The following CWH43 variants were observed in gnomAD, a reference collection of about 807,000 sequenced individuals.
CWH43 encodes the protein cell wall biogenesis 43 C-terminal homolog, also known as PGAP2-interacting protein.
CWH43 carries 91 observed loss-of-function variants against 85.7 expected under a neutral mutation model. The ratio of observed to expected loss-of-function variants is 1.06; its 90% CI spans 0.90 to 1.26. The LOEUF is 1.26. Ranked by LOEUF, CWH43 falls within the 50% of genes most tolerant of loss-of-function variation. The pLI, the probability that CWH43 is intolerant of heterozygous loss-of-function variation, is 0.00. For missense variants in CWH43, 869 were observed against 839.2 expected (o/e 1.04, Z -0.44); for synonymous variants, 323 against 293.6 (o/e 1.10, Z -1.02).
intron 11 of CWH43, 129 bp from the exon 12 acceptor site, chr4:49,032,437 T>G: frequency 1.0e-6 from 1 of 978,042 alleles, no homozygotes; most frequent in Non-Finnish European, 1.6e-6. Flanking sequence ...CTCTGCCGCA[T>G]TGCTTTGAAT....
chr4:49,007,524 G>C (rs558360808), intron 8 of CWH43, among the ~76,000 whole-genome samples, 198 bp downstream of exon 8: 2 of 152,126 alleles, frequency 1.3e-5, no homozygotes, highest in South Asian at 4.2e-4. Context: ...TGTGCACAAC[G>C]TGCAGGTTTG....
chr4:49,058,104 G>A (rs1182331871), intron 15 of CWH43, among the ~76,000 whole-genome samples: 2 of 151,966 alleles, frequency 1.3e-5, no homozygotes, highest in Non-Finnish European at 2.9e-5. Flanking sequence ...AGTAATTACT[G>A]ATAGTTAAGG....
rs1448171959 is a variant in CWH43, at chr4:48,994,783, G to A, written c.676G>A (p.Gly226Arg). 1 of 1,613,850 alleles carries A rather than the reference G, an allele frequency of 6.2e-7. No homozygotes were observed. The highest frequency in any genetic ancestry group is 8.5e-7 in the Non-Finnish European group (1 of 1,180,040). The change falls in exon 5 of 16, where the codon GGG (glycine) becomes AGG (arginine). Residue 226 changes from glycine (G) to arginine (R), a missense_variant. Gly to Arg is a moderately radical substitution (Grantham distance 125). Coordinates refer to ENST00000226432, the MANE Select transcript of CWH43 (RefSeq NM_025087.3). The part of the protein sequence containing the change: ...VSLVSRWAVS[G>R]HPHPGPDPNP... ...TCTTGTTTCCAGATGGGCAGTGAGT[G>A]GGCATCCACATCCAGGGCCAGATCC... is the stretch of plus-strand genomic sequence containing the variant.
rs1356112669 is a variant in CWH43, at chr4:49,041,122, T to C, written c.1803+2942T>C. On this transcript the variant is annotated intron_variant, in intron 13 of 15. Transcript: ENST00000226432. ...ATCTATATCTCTGTTTTGGTACCAG[T>C]ACCATGCTGTTTTGGTTACTGTAGC... 2.0e-5 allele frequency among the ~76,000 whole-genome samples: 3 copies of C among 152,206 alleles called. No homozygotes were observed. In the South Asian group the frequency reaches 6.2e-4, roughly 32 times the overall value.
intron 15 of CWH43, among the ~76,000 whole-genome samples, chr4:49,051,978 C>T (rs1163235895): frequency 6.6e-6 from 1 of 152,192 alleles, no homozygotes; most frequent in African/African-American, 2.4e-5. Flanking sequence ...GAAACTTCTA[C>T]ATAAAGCCAA....
chr4:49,041,056 A>G (rs1784443376), intron 13 of CWH43, among the ~76,000 whole-genome samples: 1 of 152,060 alleles, frequency 6.6e-6, no homozygotes, highest in Non-Finnish European at 1.5e-5. Context: ...ATAGTTGTAA[A>G]TATGTGGCAT....
chr4:49,039,332 T>G (rs1340574837), intron 13 of CWH43, among the ~76,000 whole-genome samples: 1 of 48,484 alleles, frequency 2.1e-5, no homozygotes, highest in African/African-American at 6.6e-5. Context: ...TATATATATA[T>G]ACTGATGTAT....
At chr4:49,037,286 T>C (rs1784289922) in intron 12 of CWH43, among the ~76,000 whole-genome samples, 1 of 152,186 alleles carries the variant, frequency 6.6e-6, no homozygotes, top group African/African-American at 2.4e-5. Context: ...AAGTGTTCAG[T>C]TGGGCTGGGC....
rs1468977459 is a variant in CWH43, at chr4:49,039,338, TGTATATATATACTG to T, written c.1803+1159_1803+1172del. ...ATATATATATATATATATATACTGATGTATATATATACTGATATATATATACTGATGTATATATA... is the reference window on the plus strand; with the variant it reads ...ATATATATATATATATATATACTGATATATATATATACTGATGTATATATA... On this transcript the variant is annotated intron_variant, in intron 13 of 15. Coordinates refer to ENST00000226432, the MANE Select transcript of CWH43 (RefSeq NM_025087.3). Among the ~76,000 whole-genome samples, 9 of 16,844 alleles carry T rather than the reference TGTATATATATACTG, an allele frequency of 5.3e-4. 1 individual carries two copies. Among genetic ancestry groups the T allele is most frequent in the Admixed American group, 3.0e-3 (3 of 994 alleles). 11.1% of individuals were successfully genotyped at this position (16,844 alleles called of 152,430 possible).
chr4:49,042,026 G>T (rs1025458210), intron 13 of CWH43, among the ~76,000 whole-genome samples: 6 of 152,206 alleles, frequency 3.9e-5, no homozygotes, highest in Non-Finnish European at 7.3e-5. Flanking sequence ...GTTAGTCTCT[G>T]CATTTTTTGG....
intron 6 of CWH43, among the ~76,000 whole-genome samples, chr4:49,001,460 G>A (rs112717590): frequency 0.016 from 2,434 of 152,120 alleles, 33 homozygotes; most frequent in Non-Finnish European, 0.025. Flanking sequence ...GACTAACAGT[G>A]CGTATCATAT....
In CWH43 at chr4:49,041,014, G is replaced by T. The variant is rs538741950; in HGVS notation, c.1803+2834G>T. On this transcript the variant is annotated intron_variant, in intron 13 of 15. Transcript: ENST00000226432. ...ATTAAACAGGGAATCCTTTCCCCAT[G>T]GCTTGTTTTTGTCAGGTTTGTCAAA... 1.3e-3 allele frequency among the ~76,000 whole-genome samples: 198 copies of T among 152,234 alleles called. 6 individuals carry two copies. The South Asian group carries it at 0.033, about 25-fold the overall frequency.
At chr4:49,033,663 G>A (rs1784175215) in intron 12 of CWH43, among the ~76,000 whole-genome samples, 2 of 152,166 alleles carry the variant, frequency 1.3e-5, no homozygotes, top group African/African-American at 4.8e-5. Flanking sequence ...TGGGGAATGA[G>A]TTTTATCCCC....
At position 48,987,253 on chromosome 4, in the gene CWH43, A is replaced by G. The variant is rs971114326; in HGVS notation, c.43+781A>G. On this transcript the variant is annotated intron_variant, in intron 1 of 15. Transcript: ENST00000226432. ...TTTTTTTCTGGCTCAGCCTGTATCT[A>G]TAAGTTGGGAGATGTACAGTGCCTA... 5.5e-4 allele frequency among the ~76,000 whole-genome samples: 83 copies of G among 152,130 alleles called. 1 individual carries two copies. The highest frequency in any genetic ancestry group is 5.0e-3 in the Admixed American group (76 of 15,268).
Position 49,030,902 on chromosome 4 carries a change from G to A in CWH43, c.1450G>A (p.Gly484Arg), listed in dbSNP as rs773506919. 1.2e-6 allele frequency: 2 copies of A among 1,611,206 alleles called. No homozygotes were observed. The highest frequency in any genetic ancestry group is 2.2e-5 in the South Asian group (2 of 90,670). Residue 484 changes from glycine (G) to arginine (R), a missense_variant, in exon 11 of 16, where the codon GGG becomes AGG. By Grantham distance (125) the Gly-to-Arg change is moderately radical. Transcript: ENST00000226432. The part of the protein sequence containing the change: ...MGNNDLTMWL[G>R]EKLGFYTDFG... ...GAACAATGACTTAACCATGTGGCTA[G>A]GGGAAAAGTTGGGTTTCTATACAGA...
chr4:49,029,487 G>A (rs1784028150), intron 10 of CWH43, among the ~76,000 whole-genome samples: 1 of 152,134 alleles, frequency 6.6e-6, no homozygotes, highest in Non-Finnish European at 1.5e-5. Context: ...TCATGAGAAG[G>A]GAAAGACCTG....
At chr4:49,018,239 G>A (rs1171830486) in intron 9 of CWH43, among the ~76,000 whole-genome samples, 3 of 151,016 alleles carry the variant, frequency 2.0e-5, no homozygotes, top group Non-Finnish European at 4.4e-5. Context: ...TTATTTATTA[G>A]AGAACAGTAC....
intron 15 of CWH43, among the ~76,000 whole-genome samples, chr4:49,061,254 T>C (rs1459629783): frequency 6.6e-6 from 1 of 152,204 alleles, no homozygotes; most frequent in Non-Finnish European, 1.5e-5. Flanking sequence ...GAAGCAGGTC[T>C]CCTGTCTCTT....
At chr4:48,998,305 T>A (rs761171979) in intron 5 of CWH43, among the ~76,000 whole-genome samples, 155 bp from the exon 6 acceptor site, 1 of 152,322 alleles carries the variant, frequency 6.6e-6, no homozygotes, top group Admixed American at 6.5e-5. Context: ...ATGTGTATAA[T>A]ATTGGCTTCC....
Sources: gnomAD v4.1 joint callset for allele counts (sites outside exome capture counted in the v4.1 genomes callset) on GRCh38, gnomAD v4.1.1 for gene constraint, MANE v1.5 for transcripts, NCBI Gene and HGNC (gene_info 2026-07-23, HGNC 2026-07-21) for gene names.